The following TRUB2 variants were observed in gnomAD, a reference collection of about 807,000 sequenced individuals.
The protein encoded by TRUB2 is TruB pseudouridine synthase family member 2, also known as pseudouridylate synthase TRUB2, mitochondrial.
Under a neutral mutation model 31.9 loss-of-function variants are expected in TRUB2, and 31 were observed. The observed-to-expected ratio is 0.97, with a 90% CI of 0.73 to 1.31. The LOEUF is 1.31. Ranked by LOEUF, TRUB2 falls within the 50% of genes most tolerant of loss-of-function variation. The pLI is 0.00. For synonymous variants in TRUB2, 201 were observed against 182.6 expected, an observed-to-expected ratio of 1.10 and a Z score of -0.81; for missense variants, 451 against 439.6, an observed-to-expected ratio of 1.03 and a Z score of -0.23.
intron 3 of TRUB2, 123 bp from the exon 4 acceptor site, chr9:128,315,751 C>A: frequency 2.7e-6 from 3 of 1,110,982 alleles, no homozygotes; most frequent in African/African-American, 3.1e-5. Context: ...AACAAGAAGG[C>A]AAAAAGATCT....
intron 5 of TRUB2, among the ~76,000 whole-genome samples, chr9:128,312,618 T>A (rs143971890): frequency 0.31 from 39,961 of 130,582 alleles, 6,557 homozygotes; most frequent in African/African-American, 0.52. Context: ...TATTATTATT[T>A]TTTTTTTTTT....
At chr9:128,317,023 G>A in intron 3 of TRUB2, 129 bp downstream of exon 3, 1 of 782,692 alleles carries the variant, frequency 1.3e-6, no homozygotes, top group Non-Finnish European at 2.0e-6. Flanking sequence ...CAGCCTTGGG[G>A]CAGGAATCAG....
intron 7 of TRUB2, among the ~76,000 whole-genome samples, chr9:128,310,093 C>T (rs953610070): frequency 6.6e-6 from 1 of 152,030 alleles, no homozygotes; most frequent in Admixed American, 6.5e-5. Flanking sequence ...CCTGCCAAGT[C>T]AGAATCTGCC....
At position 128,306,032 on chromosome 9, in the gene TRUB2, A is replaced by AT. The variant is rs1356473636; in HGVS notation, c.*3517dup. 6.6e-6 allele frequency: 1 copy of AT among 152,140 alleles called. No individual in the cohort carries two copies. The highest frequency in any genetic ancestry group is 2.4e-5 in the African/African-American group (1 of 41,434). 9.4% of individuals were successfully genotyped at this position (152,140 alleles called of 1,614,324 possible). A position where few individuals can be genotyped will look rare whatever the true frequency, so the allele number is the denominator to read the frequency against. On this transcript the variant is annotated 3_prime_UTR_variant, in exon 8 of 8. Transcript: ENST00000372890. ...TTTAAAAGCTCAGCTTAAACACCTC[A>AT]TGATGCTTACACATTTGGTACATTT...
chr9:128,321,677 C>T lies in TRUB2; in HGVS notation c.163G>A (p.Gly55Ser), dbSNP rs908715050. 20 of 1,613,920 alleles carry T rather than the reference C, an allele frequency of 1.2e-5. No homozygotes were observed. The highest frequency in any genetic ancestry group is 1.7e-5 in the Non-Finnish European group (20 of 1,180,026). ...TTCTCTTCGCTGCCTTCCATGGGGC[C>T]CAGCAAGAAGCGAACACGCTGTTTA... ...APKQRVRFLL[G>S]PMEGSEEKEL... Residue 55 changes from glycine to serine, a missense_variant, in exon 2 of 8, where the codon GGC becomes AGC. Transcript: ENST00000372890.
chr9:128,318,189 C>T (rs544754082), intron 2 of TRUB2, among the ~76,000 whole-genome samples: 8 of 152,026 alleles, frequency 5.3e-5, no homozygotes, highest in Admixed American at 1.3e-4. Context: ...ACTAAAAATA[C>T]AAAAATTAGC....
intron 4 of TRUB2, among the ~76,000 whole-genome samples, 189 bp downstream of exon 4, chr9:128,315,378 C>T (rs867014443): frequency 1.1e-4 from 16 of 152,134 alleles, no homozygotes; most frequent in African/African-American, 3.9e-4. Context: ...ACAGAGTAGT[C>T]GGCATACACT....
At chr9:128,313,657 C>T in intron 5 of TRUB2, 151 bp downstream of exon 5, 1 of 698,096 alleles carries the variant, frequency 1.4e-6, no homozygotes, top group Non-Finnish European at 2.6e-6. Flanking sequence ...GTAGAGGATG[C>T]TCCTGGAGCA....
At position 128,310,085 on chromosome 9, in the gene TRUB2, T is replaced by C. The variant is rs533597334; in HGVS notation, c.671-210A>G. On this transcript the variant is annotated intron_variant, in intron 7 of 7. Transcript: ENST00000372890. ...CAGAACCTCAGGCCCCACCGGGACC[T>C]GCCAAGTCAGAATCTGCCCTTTTTT... Among the ~76,000 whole-genome samples the C allele has an allele frequency of 2.4e-4, 36 of 152,178 alleles. No homozygotes were observed. In the South Asian group the frequency reaches 6.8e-3, roughly 29 times the overall value.
intron 5 of TRUB2, among the ~76,000 whole-genome samples, chr9:128,313,203 C>G (rs1246265592): frequency 7.0e-6 from 1 of 143,044 alleles, no homozygotes; most frequent in Admixed American, 7.3e-5. Flanking sequence ...GGCGACAGAG[C>G]GAGACATCGT....
chr9:128,310,798 G>T, intron 7 of TRUB2, 89 bp downstream of exon 7: 1 of 1,556,050 alleles, frequency 6.4e-7, no homozygotes, highest in South Asian at 1.2e-5. Context: ...AGCTGAGCCA[G>T]ACAACAGTGA....
intron 5 of TRUB2, among the ~76,000 whole-genome samples, chr9:128,312,594 C>A (rs958481087): frequency 4.7e-5 from 7 of 149,986 alleles, no homozygotes; most frequent in African/African-American, 1.7e-4. Context: ...CCATGCCCGG[C>A]TAATTTTTTG....
intron 4 of TRUB2, among the ~76,000 whole-genome samples, chr9:128,315,360 T>C (rs898676595): frequency 6.6e-6 from 1 of 152,152 alleles, no homozygotes; most frequent in African/African-American, 2.4e-5. Flanking sequence ...CCACGTACAG[T>C]GCTCAGCACA....
chr9:128,321,439 T>G (rs189718733), intron 2 of TRUB2, among the ~76,000 whole-genome samples, 160 bp downstream of exon 2: 2 of 152,354 alleles, frequency 1.3e-5, no homozygotes, highest in Admixed American at 1.3e-4. Flanking sequence ...ACATTCAGTA[T>G]CTGGCCCTTT....
intron 5 of TRUB2, among the ~76,000 whole-genome samples, chr9:128,311,829 C>CTTT (rs1564382879): frequency 1.4e-5 from 2 of 145,882 alleles, no homozygotes; most frequent in African/African-American, 2.6e-5. Flanking sequence ...CAAGGGCACT[C>CTTT]TATTTTTTTT....
At chr9:128,316,731 T>C (rs1440445274) in intron 3 of TRUB2, 1 of 165,228 alleles carries the variant, frequency 6.1e-6, no homozygotes, top group South Asian at 1.6e-4. Flanking sequence ...CCCTGGCCAT[T>C]AGGTCCAGAG....
intron 3 of TRUB2, among the ~76,000 whole-genome samples, chr9:128,316,088 A>G (rs1313292912): frequency 6.6e-6 from 1 of 152,108 alleles, no homozygotes; most frequent in Non-Finnish European, 1.5e-5. Context: ...AGGCAGGTGG[A>G]TCACCTGAGG....
At chr9:128,318,417 G>A (rs958919220) in intron 2 of TRUB2, among the ~76,000 whole-genome samples, 1 of 152,088 alleles carries the variant, frequency 6.6e-6, no homozygotes, top group Non-Finnish European at 1.5e-5. Flanking sequence ...CTTCTACCTA[G>A]GGTCTCATTT....
intron 5 of TRUB2, 31 bp from the exon 6 acceptor site, chr9:128,311,632 G>A: frequency 1.2e-6 from 2 of 1,611,596 alleles, no homozygotes. Context: ...TCAATGTACA[G>A]GTACCTGCTG....
Sources: allele counts gnomAD v4.1 joint callset (sites outside exome capture counted in the v4.1 genomes callset), GRCh38; gene constraint gnomAD v4.1.1; transcripts MANE v1.5; gene names NCBI Gene and HGNC (gene_info 2026-07-23, HGNC 2026-07-21).